Variants in NRIP1 observed in about 807,000 individuals in gnomAD.
The protein encoded by NRIP1 is nuclear receptor interacting protein 1.
Under a neutral mutation model 75.0 loss-of-function variants are expected in NRIP1, and 28 were observed. The ratio of observed to expected loss-of-function variants is 0.37; its 90% CI spans 0.28 to 0.51. The LOEUF is 0.51. Among genes scored for constraint, NRIP1 ranks in the 20% least tolerant of loss-of-function variants. NRIP1 has a pLI of 0.92. For synonymous variants in NRIP1, 526 were observed against 487.6 expected (o/e 1.08, Z -1.04); for missense variants, 1,435 against 1,343.7 (o/e 1.07, Z -1.06).
intron 3 of NRIP1, among the ~76,000 whole-genome samples, chr21:14,975,806 G>T (rs537583743): frequency 3.3e-5 from 5 of 151,650 alleles, no homozygotes; most frequent in African/African-American, 1.2e-4. Context: ...AAGGACAGTT[G>T]GGAATAAATA....
At position 14,966,437 on chromosome 21, in the gene NRIP1, T is replaced by C; in HGVS notation, c.1756A>G (p.Thr586Ala). The C allele has an allele frequency of 6.2e-7, 1 of 1,614,082 alleles. No individual in the cohort carries two copies. Among genetic ancestry groups the C allele is most frequent in the Non-Finnish European group, 8.5e-7 (1 of 1,179,976 alleles). The change falls in exon 4 of 4, where the codon ACT (threonine) becomes GCT (alanine). Residue 586 changes from threonine (T) to alanine (A), a missense_variant. Transcript: ENST00000318948. The stretch of plus-strand genomic sequence containing the variant: ...GTATTTGTTAGCTTTTCAGACTGAG[T>C]ACTGCAGACATATGGTGGGGAATTC... Reference protein sequence around the residue: ...KWNSPPYVCSTQSEKLTNTAS... With the variant: ...KWNSPPYVCSAQSEKLTNTAS...
At position 14,968,375 on chromosome 21, in the gene NRIP1, C is replaced by T; in HGVS notation, c.-183G>A. On this transcript the variant is annotated 5_prime_UTR_variant, in exon 4 of 4. Transcript: ENST00000318948. Reference sequence around the variant, plus strand: ...CTGGCAATGACAAGATAAATGCAGTCTGACCACAGTGCTGATCAACTTCTA... The same window carrying T: ...CTGGCAATGACAAGATAAATGCAGTTTGACCACAGTGCTGATCAACTTCTA... 2 of 599,366 alleles carry T rather than the reference C, an allele frequency of 3.3e-6. No individual in the cohort carries two copies. Among genetic ancestry groups the T allele is most frequent in the Non-Finnish European group, 6.0e-6 (2 of 331,642 alleles). 37.1% of individuals were successfully genotyped at this position (599,366 alleles called of 1,614,324 possible).
chr21:14,964,616 T>C lies in NRIP1; in HGVS notation c.*100A>G. ...CTTTTCAAAATGAAAAAAGTTTCAA[T>C]TATACCATGCTTTTTTTCAAATCAT... On this transcript the variant is annotated 3_prime_UTR_variant, in exon 4 of 4. Coordinates refer to ENST00000318948, the MANE Select transcript of NRIP1 (RefSeq NM_003489.4). 3 of 977,740 alleles carry C rather than the reference T, an allele frequency of 3.1e-6. No homozygotes were observed. Among genetic ancestry groups the C allele is most frequent in the East Asian group, 2.6e-5 (1 of 39,186 alleles). 60.6% of individuals were successfully genotyped at this position (977,740 alleles called of 1,614,324 possible).
intron 1 of NRIP1, among the ~76,000 whole-genome samples, chr21:15,062,016 C>G (rs1462334779): frequency 6.6e-6 from 1 of 152,188 alleles, no homozygotes; most frequent in African/African-American, 2.4e-5. Flanking sequence ...TAGTTGTCCT[C>G]AATGTTCTAA....
At chr21:14,984,630 T>G (rs1393599971) in intron 3 of NRIP1, among the ~76,000 whole-genome samples, 4 of 152,208 alleles carry the variant, frequency 2.6e-5, no homozygotes, top group African/African-American at 7.2e-5. Context: ...GATTGACTCT[T>G]TTTGAAAGAA....
chr21:15,012,731 G>A (rs1468942302), intron 3 of NRIP1, among the ~76,000 whole-genome samples: 2 of 152,022 alleles, frequency 1.3e-5, no homozygotes, highest in Admixed American at 1.3e-4. Flanking sequence ...GATTACAGGT[G>A]TGAGACACCA....
chr21:15,018,922 T>A (rs2088301003), intron 2 of NRIP1, among the ~76,000 whole-genome samples: 1 of 152,134 alleles, frequency 6.6e-6, no homozygotes, highest in South Asian at 2.1e-4. Context: ...GGAGAAAAAA[T>A]TCCACCTTCC....
rs755859161 is a variant in NRIP1, at chr21:14,966,450, T to C, written c.1743A>G (p.Pro581=). ...TTTCAGACTGAGTACTGCAGACATA[T>C]GGTGGGGAATTCCATTTGATGACCA... ...HSLVIKWNSP[P]YVCSTQSEKL... The change falls in exon 4 of 4, where the codon CCA becomes CCG. Residue 581 remains proline (P), a synonymous_variant. Coordinates refer to ENST00000318948, the MANE Select transcript of NRIP1 (RefSeq NM_003489.4). 2 of 1,614,096 alleles carry C rather than the reference T, an allele frequency of 1.2e-6. No individual in the cohort carries two copies. The highest frequency in any genetic ancestry group is 2.2e-5 in the East Asian group (1 of 44,880).
chr21:14,967,929 C>T lies in NRIP1; in HGVS notation c.264G>A (p.Gln88=), dbSNP rs761171250. 6.2e-7 allele frequency: 1 copy of T among 1,614,030 alleles called. No individual in the cohort carries two copies. The highest frequency in any genetic ancestry group is 1.3e-5 in the African/African-American group (1 of 74,940). ...MLHLKKARLL[Q]SSEDWNAAKR... is the part of the protein sequence containing the mutation. ...TTGCTGCATTCCAGTCCTCAGAAGA[C>T]TGCAACAGTCTGGCTTTTTTGAGGT... Residue 88 remains glutamine, a synonymous_variant, in exon 4 of 4, where the codon CAG becomes CAA. Transcript: ENST00000318948.
Position 14,967,963 on chromosome 21 carries a change from C to T in NRIP1, c.230G>A (p.Gly77Asp). 6.2e-7 allele frequency: 1 copy of T among 1,613,918 alleles called. No individual in the cohort carries two copies. Among genetic ancestry groups the T allele is most frequent in the Admixed American group, 1.7e-5 (1 of 59,960 alleles). ...VLNTHTYQGS[G>D]MLHLKKARLL... ...TCTGGCTTTTTTGAGGTGCAGCATGCCAGACCCCTGATATGTATGTGTATT... is the reference window on the plus strand; with the variant it reads ...TCTGGCTTTTTTGAGGTGCAGCATGTCAGACCCCTGATATGTATGTGTATT... Residue 77 changes from glycine to aspartate, a missense_variant, in exon 4 of 4, where the codon GGC becomes GAC. Gly to Asp is a moderately conservative substitution (Grantham distance 94). Transcript: ENST00000318948.
intron 3 of NRIP1, among the ~76,000 whole-genome samples, chr21:14,987,322 G>GT (rs1178437322): frequency 6.6e-6 from 1 of 152,112 alleles, no homozygotes; most frequent in Non-Finnish European, 1.5e-5. Context: ...AGTTCCTTGC[G>GT]TAACTCCAAC....
At position 15,038,197 on chromosome 21, in the gene NRIP1, T is replaced by C. The variant is rs201428714; in HGVS notation, c.-458+5298A>G. Among the ~76,000 whole-genome samples, 15 of 152,254 alleles carry C rather than the reference T, an allele frequency of 9.9e-5. No individual in the cohort carries two copies. In the East Asian group the frequency reaches 2.9e-3, roughly 29 times the overall value. ...TCCTACAATGTAACAAACATTATAA[T>C]GTCCCCTTTGAATGTATTCTAGGGT... is the stretch of plus-strand genomic sequence containing the variant. On this transcript the variant is annotated intron_variant, in intron 2 of 3. Coordinates refer to ENST00000318948, the MANE Select transcript of NRIP1 (RefSeq NM_003489.4).
At chr21:15,001,989 A>C (rs1178942074) in intron 3 of NRIP1, among the ~76,000 whole-genome samples, 1 of 152,152 alleles carries the variant, frequency 6.6e-6, no homozygotes, top group Non-Finnish European at 1.5e-5. Context: ...TTTCAGTAAA[A>C]TTATCTTATT....
At chr21:14,975,043 G>C (rs2087014248) in intron 3 of NRIP1, among the ~76,000 whole-genome samples, 2 of 151,412 alleles carry the variant, frequency 1.3e-5, no homozygotes, top group African/African-American at 2.4e-5. Context: ...GTCTGGGGAA[G>C]TCAAGGCTGC....
chr21:14,965,590 T>G lies in NRIP1; in HGVS notation c.2603A>C (p.Asn868Thr), dbSNP rs1471201797. ...KRKLYTEPLE[N>T]PFKKMKNNIV... ...GTTGTTTTTCATCTTTTTAAATGGATTTTCTAATGGCTCAGTATAAAGCTT... is the reference window on the plus strand; with the variant it reads ...GTTGTTTTTCATCTTTTTAAATGGAGTTTCTAATGGCTCAGTATAAAGCTT... Residue 868 changes from asparagine to threonine, a missense_variant, in exon 4 of 4, where the codon AAT becomes ACT. Asn to Thr is a moderately conservative substitution (Grantham distance 65). Coordinates refer to ENST00000318948, the MANE Select transcript of NRIP1 (RefSeq NM_003489.4). The G allele has an allele frequency of 6.2e-7, 1 of 1,614,022 alleles. No individual in the cohort carries two copies. The highest frequency in any genetic ancestry group is 8.5e-7 in the Non-Finnish European group (1 of 1,179,972).
At chr21:14,971,146 T>A (rs527989183) in intron 3 of NRIP1, among the ~76,000 whole-genome samples, 1 of 152,222 alleles carries the variant, frequency 6.6e-6, no homozygotes, top group Non-Finnish European at 1.5e-5. Context: ...GAAAATGACA[T>A]ATACAAATAA....
At chr21:14,983,476 C>A (rs1224203804) in intron 3 of NRIP1, among the ~76,000 whole-genome samples, 1 of 152,076 alleles carries the variant, frequency 6.6e-6, no homozygotes. Context: ...AATAAAACTG[C>A]AAAGGGAAGC....
rs149820746 is a variant in NRIP1, at chr21:15,042,198, T to C, written c.-458+1297A>G. The stretch of plus-strand genomic sequence containing the variant: ...TGAATATTCAGCTAATAAAGTTACA[T>C]CTGTATTATAGTAAAAGAAGGTGGC... On this transcript the variant is annotated intron_variant, in intron 2 of 3. Coordinates refer to ENST00000318948, the MANE Select transcript of NRIP1 (RefSeq NM_003489.4). Among the ~76,000 whole-genome samples the C allele has an allele frequency of 5.9e-5, 9 of 152,360 alleles. No individual in the cohort carries two copies. The East Asian group carries it at 1.7e-3, about 29-fold the overall frequency.
intron 1 of NRIP1, among the ~76,000 whole-genome samples, chr21:15,057,565 G>A (rs2089333856): frequency 6.6e-6 from 1 of 152,172 alleles, no homozygotes; most frequent in Non-Finnish European, 1.5e-5. Context: ...GCCTGGTCTT[G>A]GAGAATCCAG....
Sources: allele counts gnomAD v4.1 joint callset (sites outside exome capture counted in the v4.1 genomes callset), GRCh38; gene constraint gnomAD v4.1.1; transcripts MANE v1.5; gene names NCBI Gene and HGNC (gene_info 2026-07-23, HGNC 2026-07-21).